NME7: variants seen among roughly 807,000 people sequenced by gnomAD.
The protein encoded by NME7 is NME/NM23 family member 7, also known as nucleoside diphosphate kinase 7.
In NME7, 41 loss-of-function variants were observed where a neutral mutation model predicts 49.1. The observed-to-expected ratio is 0.83, with a 90% CI of 0.65 to 1.08. The LOEUF is 1.08. Ranked by LOEUF, NME7 falls within the 50% of genes least tolerant of loss-of-function variation. NME7 has a pLI of 0.00. For synonymous variants in NME7, 139 were observed against 150.6 expected (o/e 0.92, Z 0.56); for missense variants, 423 against 463.4 (o/e 0.91, Z 0.80).
intron 7 of NME7, chr1:169,246,884 TAAC>T (rs145904251): frequency 0.058 from 22,101 of 379,758 alleles, 850 homozygotes; most frequent in Middle Eastern, 0.13. Flanking sequence ...TGGTCCAGTA[TAAC>T]AACACCTTTG....
intron 10 of NME7, among the ~76,000 whole-genome samples, chr1:169,175,409 A>T (rs1659723277): frequency 6.6e-6 from 1 of 152,322 alleles, no homozygotes. Context: ...TAAAAAGTAT[A>T]GTAAATATGT....
intron 11 of NME7, among the ~76,000 whole-genome samples, chr1:169,151,521 C>A (rs574765593): frequency 1.3e-5 from 2 of 152,250 alleles, no homozygotes; most frequent in East Asian, 3.9e-4. Flanking sequence ...TGACCCAGGG[C>A]TCAGAGCTGG....
chr1:169,285,303 T>C (rs1227325504), intron 7 of NME7: 1 of 152,170 alleles, frequency 6.6e-6, no homozygotes, highest in Non-Finnish European at 1.5e-5. Flanking sequence ...TGGAGTAATT[T>C]GGGTTTCAGA....
At chr1:169,144,181 A>T (rs1337257821) in intron 11 of NME7, among the ~76,000 whole-genome samples, 1 of 152,176 alleles carries the variant, frequency 6.6e-6, no homozygotes, top group African/African-American at 2.4e-5. Flanking sequence ...ACTACACTGT[A>T]GCCTGGGCAA....
At chr1:169,304,978 C>A (rs1310654654) in intron 4 of NME7, among the ~76,000 whole-genome samples, 2 of 152,132 alleles carry the variant, frequency 1.3e-5, no homozygotes, top group African/African-American at 4.8e-5. Context: ...CAATTCTAAG[C>A]TTTTCAAACG....
intron 7 of NME7, chr1:169,283,949 A>C (rs1479425389): frequency 1.3e-5 from 2 of 152,062 alleles, no homozygotes; most frequent in African/African-American, 4.8e-5. Flanking sequence ...CTCGAGGAGC[A>C]TCTTTGTGGT....
At chr1:169,238,541 A>G (rs1647958902) in intron 7 of NME7, among the ~76,000 whole-genome samples, 1 of 150,290 alleles carries the variant, frequency 6.7e-6, no homozygotes, top group Non-Finnish European at 1.5e-5. Flanking sequence ...TCTGGATCTT[A>G]CCGAGTGACC....
At chr1:169,244,573 T>G (rs545078204) in intron 7 of NME7, among the ~76,000 whole-genome samples, 1 of 150,788 alleles carries the variant, frequency 6.6e-6, no homozygotes, top group East Asian at 2.0e-4. Flanking sequence ...GAGGCGGAGC[T>G]TTCAGTGAGC....
chr1:169,355,794 A>G lies in NME7; in HGVS notation c.3+11914T>C, dbSNP rs113477918. On this transcript the variant is annotated intron_variant, in intron 1 of 11. Coordinates refer to ENST00000367811, the MANE Select transcript of NME7 (RefSeq NM_013330.5). ...GATTTTTTTTCCATAACACTTATCAAAACCTCAAATTATACTACATATTTG... is the reference window on the plus strand; with the variant it reads ...GATTTTTTTTCCATAACACTTATCAGAACCTCAAATTATACTACATATTTG... 3.5e-3 allele frequency among the ~76,000 whole-genome samples: 525 copies of G among 152,172 alleles called. 4 individuals are homozygous for G. The highest frequency in any genetic ancestry group is 0.012 in the African/African-American group (501 of 41,518).
At chr1:169,180,407 A>G (rs1659891513) in intron 10 of NME7, among the ~76,000 whole-genome samples, 1 of 152,180 alleles carries the variant, frequency 6.6e-6, no homozygotes, top group South Asian at 2.1e-4. Flanking sequence ...TTTTACAGAT[A>G]TGGGTAACTT....
chr1:169,182,451 G>A (rs1205389118), intron 10 of NME7, among the ~76,000 whole-genome samples: 2 of 152,250 alleles, frequency 1.3e-5, no homozygotes, highest in East Asian at 3.9e-4. Context: ...AACAGCTTGG[G>A]AGTCATCCTA....
At chr1:169,230,335 G>A (rs952162401) in intron 10 of NME7, among the ~76,000 whole-genome samples, 2 of 152,084 alleles carry the variant, frequency 1.3e-5, no homozygotes, top group Admixed American at 1.3e-4. Context: ...ATTTATTTAT[G>A]TATTGGTATG....
At chr1:169,231,634 A>T (rs12143790) in intron 9 of NME7, among the ~76,000 whole-genome samples, 1 of 151,470 alleles carries the variant, frequency 6.6e-6, no homozygotes. Flanking sequence ...ATTGCCAGAA[A>T]GTAGACCAAA....
chr1:169,294,868 C>T (rs1295096702), intron 6 of NME7, among the ~76,000 whole-genome samples: 1 of 152,152 alleles, frequency 6.6e-6, no homozygotes, highest in Non-Finnish European at 1.5e-5. Flanking sequence ...CCAAATCTCA[C>T]GTTGAAATTT....
intron 7 of NME7, among the ~76,000 whole-genome samples, chr1:169,273,854 T>C (rs1194452069): frequency 7.9e-6 from 1 of 126,390 alleles, no homozygotes; most frequent in Non-Finnish European, 1.9e-5. Flanking sequence ...CTTAATCCAG[T>C]CTATCATTGT....
chr1:169,340,276 A>T (rs2101960206), intron 1 of NME7, among the ~76,000 whole-genome samples: 1 of 152,260 alleles, frequency 6.6e-6, no homozygotes, highest in East Asian at 1.9e-4. Context: ...TGGTTTTAAA[A>T]GTGGCAGTTT....
intron 11 of NME7, among the ~76,000 whole-genome samples, chr1:169,148,660 C>A (rs941203125): frequency 6.6e-6 from 1 of 152,134 alleles, no homozygotes; most frequent in Non-Finnish European, 1.5e-5. Flanking sequence ...AGGGAGCAGA[C>A]CAAAGTCAAG....
intron 5 of NME7, among the ~76,000 whole-genome samples, chr1:169,301,279 C>A (rs1650928983): frequency 6.6e-6 from 1 of 152,118 alleles, no homozygotes; most frequent in Admixed American, 6.5e-5. Flanking sequence ...TAAATACACA[C>A]TTCTCAAAAG....
chr1:169,342,154 G>C (rs1199967832), intron 1 of NME7, among the ~76,000 whole-genome samples: 2 of 152,102 alleles, frequency 1.3e-5, no homozygotes, highest in Non-Finnish European at 2.9e-5. Context: ...ATCCCCACAT[G>C]TTGAGGCAGG....
Sources: gnomAD v4.1 joint callset for allele counts (sites outside exome capture counted in the v4.1 genomes callset) on GRCh38, gnomAD v4.1.1 for gene constraint, MANE v1.5 for transcripts, NCBI Gene and HGNC (gene_info 2026-07-23, HGNC 2026-07-21) for gene names.